POF1B: variants seen among roughly 807,000 people sequenced by gnomAD.
POF1B encodes the protein POF1B actin binding protein, also known as protein POF1B.
In POF1B, 53 loss-of-function variants were observed where a neutral mutation model predicts 55.3. The ratio of observed to expected loss-of-function variants is 0.96; its 90% CI spans 0.77 to 1.20. POF1B has a LOEUF of 1.20. Among genes scored for constraint, POF1B ranks in the 50% most tolerant of loss-of-function variants. POF1B has a pLI of 0.00. For missense variants in POF1B, 478 were observed against 420.5 expected, an observed-to-expected ratio of 1.14 and a Z score of -1.20; for synonymous variants, 188 against 148.3, an observed-to-expected ratio of 1.27 and a Z score of -1.95.
At chrX:85,304,155 CT>C (rs759297660) in intron 14 of POF1B, among the ~76,000 whole-genome samples, 187 bp downstream of exon 14, 5 of 111,502 alleles carry the variant, frequency 4.5e-5, no homozygotes, top group African/African-American at 1.6e-4. Flanking sequence ...TCAATTGTAA[CT>C]TTCATTTGAA....
intron 7 of POF1B, among the ~76,000 whole-genome samples, chrX:85,329,207 C>A (rs145397076): frequency 1.8e-5 from 2 of 111,648 alleles, no homozygotes; most frequent in African/African-American, 6.5e-5. Context: ...ATGCCTGGCA[C>A]ATGGTGGATG....
chrX:85,368,599 T>C (rs1228978933), intron 2 of POF1B, among the ~76,000 whole-genome samples: 2 of 111,584 alleles, frequency 1.8e-5, no homozygotes, highest in African/African-American at 6.5e-5. Context: ...GTAATTAATT[T>C]TAAATCACTT....
intron 7 of POF1B, among the ~76,000 whole-genome samples, chrX:85,326,420 G>A (rs1932898123): frequency 9.1e-6 from 1 of 110,453 alleles, no homozygotes; most frequent in Admixed American, 9.6e-5. Context: ...CTACTGCTGG[G>A]GGGTGGGGGC....
At chrX:85,350,427 T>C (rs772957055) in intron 5 of POF1B, among the ~76,000 whole-genome samples, 196 of 111,636 alleles carry the variant, frequency 1.8e-3, no homozygotes, top group African/African-American at 6.0e-3. Flanking sequence ...TAATCCAGTC[T>C]ATCATTGTTG....
intron 5 of POF1B, among the ~76,000 whole-genome samples, chrX:85,349,537 T>C (rs2147937128): frequency 9.0e-6 from 1 of 110,761 alleles, no homozygotes; most frequent in Admixed American, 9.7e-5. Context: ...CCTAATAAAA[T>C]ATGACTGGTG....
chrX:85,350,233 T>C (rs1441620089), intron 5 of POF1B, among the ~76,000 whole-genome samples: 1 of 105,886 alleles, frequency 9.4e-6, no homozygotes, highest in Non-Finnish European at 1.9e-5. Flanking sequence ...CCTTCTTGTG[T>C]CCATGTGTTC....
chrX:85,311,699 T>G (rs749570984), intron 9 of POF1B, among the ~76,000 whole-genome samples: 18 of 112,255 alleles, frequency 1.6e-4, no homozygotes, highest in African/African-American at 4.5e-4. Context: ...TTTGGGTATA[T>G]ACCCAGTAAT....
chrX:85,320,862 G>A (rs1376779028), intron 7 of POF1B, among the ~76,000 whole-genome samples: 2 of 110,204 alleles, frequency 1.8e-5, no homozygotes, highest in Admixed American at 9.7e-5. Flanking sequence ...TAAATTCCTC[G>A]ACACATACAC....
In POF1B at chrX:85,379,236, T is replaced by A; in HGVS notation, c.219A>T (p.Glu73Asp). The A allele has an allele frequency of 8.3e-7, 1 of 1,210,811 alleles. No homozygotes were observed. The highest frequency in any genetic ancestry group is 1.1e-6 in the Non-Finnish European group (1 of 895,168). The change falls in exon 2 of 17, where the codon GAA becomes GAT. Residue 73 changes from glutamate to aspartate, a missense_variant. By Grantham distance (45) the Glu-to-Asp change is conservative. Coordinates refer to ENST00000262753, the MANE Select transcript of POF1B (RefSeq NM_024921.4). ...AGGTGGTTTTGAGAGGGGAGAGCAC[T>A]TCCCGTGAGTTGAAGGGGTCCAAGG... is the stretch of plus-strand genomic sequence containing the variant. ...VQALDPFNSR[E>D]VLSPLKTTSS...
chrX:85,279,325 G>A lies in POF1B; in HGVS notation c.*96C>T. 1.1e-6 allele frequency: 1 copy of A among 879,346 alleles called. No homozygotes were observed. The highest frequency in any genetic ancestry group is 3.2e-5 in the East Asian group (1 of 31,707). The allele number at this position is 879,346 out of a possible 1,213,427, so 72.5% of individuals were successfully genotyped here. A position where few individuals can be genotyped will look rare whatever the true frequency, so the allele number is the denominator to read the frequency against. On this transcript the variant is annotated 3_prime_UTR_variant, in exon 17 of 17. Transcript: ENST00000262753. ...AGCAGCATGGTTCCAAATTCTGATT[G>A]GCCTTTAGTGATGGAAAAATAACAA... is the stretch of plus-strand genomic sequence containing the variant.
chrX:85,322,438 T>A, intron 7 of POF1B, among the ~76,000 whole-genome samples: 1 of 111,558 alleles, frequency 9.0e-6, no homozygotes, highest in African/African-American at 3.3e-5. Flanking sequence ...TATACAAAAA[T>A]TAATTCAAGA....
At chrX:85,307,130 T>C (rs1168045205) in intron 11 of POF1B, 33 bp downstream of exon 11, 4 of 1,036,913 alleles carry the variant, frequency 3.9e-6, no homozygotes, top group Non-Finnish European at 5.4e-6. Flanking sequence ...AAGCTATCAA[T>C]GTAGATTAAC....
At position 85,348,883 on chromosome X, in the gene POF1B, C is replaced by G. The variant is rs199864004; in HGVS notation, c.540+2467G>C. Among the ~76,000 whole-genome samples the G allele has an allele frequency of 2.7e-5, 3 of 111,389 alleles. No individual in the cohort carries two copies. In the East Asian group the frequency reaches 8.5e-4, roughly 32 times the overall value. On this transcript the variant is annotated intron_variant, in intron 5 of 16. Coordinates refer to ENST00000262753, the MANE Select transcript of POF1B (RefSeq NM_024921.4). ...TATTTGTTCTCTTTAAAACAAGAAG[C>G]TAGAAGCAGCATGAAATGATTTGCC...
chrX:85,359,205 A>G (rs980619070), intron 4 of POF1B, among the ~76,000 whole-genome samples: 1 of 111,161 alleles, frequency 9.0e-6, no homozygotes, highest in Admixed American at 9.6e-5. Context: ...CAGTTGACAG[A>G]GCTTTTATGT....
chrX:85,357,800 C>T (rs950857751), intron 4 of POF1B, among the ~76,000 whole-genome samples: 1 of 111,288 alleles, frequency 9.0e-6, no homozygotes, highest in Non-Finnish European at 1.9e-5. Flanking sequence ...TCAATGATAC[C>T]TTTAAGAGGA....
chrX:85,345,584 G>C (rs1933253210), intron 6 of POF1B, among the ~76,000 whole-genome samples: 1 of 110,426 alleles, frequency 9.1e-6, no homozygotes, highest in African/African-American at 3.3e-5. Flanking sequence ...ACAACTGTTG[G>C]GCCCATTTTA....
intron 7 of POF1B, among the ~76,000 whole-genome samples, chrX:85,322,105 T>C (rs1274176150): frequency 9.0e-6 from 1 of 111,185 alleles, no homozygotes; most frequent in East Asian, 2.8e-4. Flanking sequence ...TTAAAGTTCA[T>C]AGGGAACCAA....
At chrX:85,358,491 T>C (rs1285056974) in intron 4 of POF1B, among the ~76,000 whole-genome samples, 1 of 111,266 alleles carries the variant, frequency 9.0e-6, no homozygotes, top group Admixed American at 9.6e-5. Flanking sequence ...TGAAATTGAT[T>C]AGTACTAATT....
At chrX:85,354,061 C>A (rs577741495) in intron 4 of POF1B, among the ~76,000 whole-genome samples, 2 of 110,650 alleles carry the variant, frequency 1.8e-5, no homozygotes, top group East Asian at 2.9e-4. Context: ...TCAGTTCTTC[C>A]TTCTCCTATG....
Sources: allele counts gnomAD v4.1 joint callset (sites outside exome capture counted in the v4.1 genomes callset), GRCh38; gene constraint gnomAD v4.1.1; transcripts MANE v1.5; gene names NCBI Gene and HGNC (gene_info 2026-07-23, HGNC 2026-07-21).